Variants in USP6NL observed in about 807,000 individuals in gnomAD.
USP6NL encodes USP6 N-terminal-like protein.
In USP6NL, 26 loss-of-function variants were observed where a neutral mutation model predicts 61.9. The observed-to-expected ratio is 0.42, with a 90% CI of 0.31 to 0.58. USP6NL has a LOEUF of 0.58. Ranked by LOEUF, USP6NL falls within the 20% of genes least tolerant of loss-of-function variation. The pLI is 0.16. For synonymous variants in USP6NL, 432 were observed against 390.1 expected, an observed-to-expected ratio of 1.11 and a Z score of -1.27; for missense variants, 1,114 against 1,034.3, an observed-to-expected ratio of 1.08 and a Z score of -1.06.
intron 7 of USP6NL, among the ~76,000 whole-genome samples, chr10:11,500,471 C>G (rs1194357867): frequency 6.6e-6 from 1 of 151,866 alleles, no homozygotes; most frequent in East Asian, 1.9e-4. Flanking sequence ...ATCTCTTACT[C>G]CTTTCAAAGG....
rs1335596310 is a variant in USP6NL, at chr10:11,562,181, G to A, written c.5-34614C>T. On this transcript the variant is annotated intron_variant, in intron 2 of 14. Transcript: ENST00000609104. This position sits in a 1 kb window ranked among gnomAD's most constrained non-coding sequence, Gnocchi z 4.8. ...TGTAATCCCAGCTACTTGGGAGGCT[G>A]AAGCCGGTAGGCGGAGGTTGCAGTG... Among the ~76,000 whole-genome samples the A allele has an allele frequency of 6.6e-6, 1 of 151,470 alleles. No individual in the cohort carries two copies. The highest frequency in any genetic ancestry group is 1.5e-5 in the Non-Finnish European group (1 of 67,946).
At chr10:11,534,395 G>A (rs190256671) in intron 2 of USP6NL, among the ~76,000 whole-genome samples, 4 of 152,296 alleles carry the variant, frequency 2.6e-5, no homozygotes, top group Non-Finnish European at 4.4e-5. Context: ...GCAAAAACAG[G>A]ATCCGTAACA....
rs1838106104 is a variant in USP6NL at position 11,589,912 on chromosome 10, GT to G, written c.4+7718del. Among the ~76,000 whole-genome samples, 1 of 152,146 alleles carries G rather than the reference GT, an allele frequency of 6.6e-6. No individual in the cohort carries two copies. On this transcript the variant is annotated intron_variant, in intron 2 of 14. Coordinates refer to ENST00000609104, the MANE Select transcript of USP6NL (RefSeq NM_014688.5). The surrounding 1 kb of genome is among the most constrained non-coding windows in gnomAD (Gnocchi z 4.7). ...ACCAAGGCAATGCCAGGGGAAGTCA[GT>G]TTCTAAATTCAGAGGGAAAAGACAG...
In USP6NL at chr10:11,583,112, A is replaced by G. The variant is rs578243013; in HGVS notation, c.4+14519T>C. On this transcript the variant is annotated intron_variant, in intron 2 of 14. Transcript: ENST00000609104. ...GAGTTGTGTCCTTACATGGAAAAAG[A>G]GTGTGAATTAAAAGCTGTACATAAT... is the stretch of plus-strand genomic sequence containing the variant. 4.0e-5 allele frequency among the ~76,000 whole-genome samples: 6 copies of G among 151,874 alleles called. No individual in the cohort carries two copies. The South Asian group carries it at 1.3e-3, about 32-fold the overall frequency.
chr10:11,480,881 G>C (rs1271825637), intron 14 of USP6NL, among the ~76,000 whole-genome samples: 1 of 152,116 alleles, frequency 6.6e-6, no homozygotes, highest in African/African-American at 2.4e-5. Context: ...CTGCAACAAA[G>C]GTAAGAAAGA....
chr10:11,529,593 G>A (rs929594202), intron 2 of USP6NL, among the ~76,000 whole-genome samples: 1 of 152,208 alleles, frequency 6.6e-6, no homozygotes, highest in South Asian at 2.1e-4. Flanking sequence ...TGGGGGATGT[G>A]TGAATAACTA....
At position 11,602,508 on chromosome 10, in the gene USP6NL, A is replaced by C. The variant is rs1254180474; in HGVS notation, c.-83-4791T>G. On this transcript the variant is annotated intron_variant, in intron 1 of 14. Transcript: ENST00000609104. The surrounding 1 kb of genome is among the most constrained non-coding windows in gnomAD (Gnocchi z 4.8). ...TGTACTAGGCACCGCAGACACTGCC[A>C]AGAACAAAGCCAAGTCTCTCGCATC... 3.9e-5 allele frequency among the ~76,000 whole-genome samples: 6 copies of C among 152,202 alleles called. No individual in the cohort carries two copies. Among genetic ancestry groups the C allele is most frequent in the Non-Finnish European group, 5.9e-5 (4 of 68,036 alleles).
chr10:11,610,507 G>T (rs568536465), intron 1 of USP6NL, among the ~76,000 whole-genome samples: 1 of 152,038 alleles, frequency 6.6e-6, no homozygotes, highest in Non-Finnish European at 1.5e-5. Flanking sequence ...ACTTTTCTAA[G>T]CTATGAAATA....
At chr10:11,576,102 A>G (rs1021594502) in intron 2 of USP6NL, among the ~76,000 whole-genome samples, 3 of 152,086 alleles carry the variant, frequency 2.0e-5, no homozygotes, top group Non-Finnish European at 4.4e-5. Flanking sequence ...AAAAAAAAAA[A>G]GCAATAATAT....
In USP6NL at chr10:11,463,191, A is replaced by C; in HGVS notation, c.1737T>G (p.His579Gln). ...TTCTCGGGCTAGGAGGGTAAAGGGC[A>C]TGCCGGGGGCTCTGGGAGTAAGCCC... ...LERAYSQSPR[H>Q]ALYPPSPRKH... is the part of the protein sequence containing the mutation. The change falls in exon 15 of 15, where the codon CAT becomes CAG. Residue 579 changes from histidine (H) to glutamine (Q), a missense_variant. Coordinates refer to ENST00000609104, the MANE Select transcript of USP6NL (RefSeq NM_014688.5). The surrounding 1 kb of genome is among the most constrained non-coding windows in gnomAD (Gnocchi z 6.3). The C allele has an allele frequency of 6.2e-7, 1 of 1,613,624 alleles. No individual in the cohort carries two copies. The highest frequency in any genetic ancestry group is 8.5e-7 in the Non-Finnish European group (1 of 1,179,870).
chr10:11,489,369 C>G lies in USP6NL; in HGVS notation c.544-147G>C. On this transcript the variant is annotated intron_variant, in intron 9 of 14. Coordinates refer to ENST00000609104, the MANE Select transcript of USP6NL (RefSeq NM_014688.5). This position sits in a 1 kb window ranked among gnomAD's most constrained non-coding sequence, Gnocchi z 5.7. ...CTAGAGACAAATACTATACTCTTTA[C>G]AGTATTATGCCACATAAGAGAATAA... The G allele has an allele frequency of 1.0e-6, 1 of 985,214 alleles. No individual in the cohort carries two copies. Among genetic ancestry groups the G allele is most frequent in the Non-Finnish European group, 1.4e-6 (1 of 714,446 alleles). The allele number at this position is 985,214 out of a possible 1,614,324, so 61.0% of individuals were successfully genotyped here. A position where few individuals can be genotyped will look rare whatever the true frequency, so the allele number is the denominator to read the frequency against.
chr10:11,481,581 AAT>A lies in USP6NL; in HGVS notation c.1078+187_1078+188del, dbSNP rs1257143655. Among the ~76,000 whole-genome samples the A allele has an allele frequency of 6.6e-6, 1 of 152,222 alleles. No individual in the cohort carries two copies. The stretch of plus-strand genomic sequence containing the variant: ...TCTATTAGGAGAGGCAGATTTAATT[AAT>A]ATGTTTATTTGCCTTTCCCTAAAAT... On this transcript the variant is annotated intron_variant, in intron 14 of 14. Transcript: ENST00000609104. The surrounding 1 kb of genome is among the most constrained non-coding windows in gnomAD (Gnocchi z 4.4).
At position 11,481,963 on chromosome 10, in the gene USP6NL, C is replaced by G; in HGVS notation, c.926-41G>C. 1 of 1,557,920 alleles carries G rather than the reference C, an allele frequency of 6.4e-7. No individual in the cohort carries two copies. Among genetic ancestry groups the G allele is most frequent in the Middle Eastern group, 2.2e-4 (1 of 4,544 alleles). Reference sequence around the variant, plus strand: ...AGAAATGAAAATGCCAAGTCAATAGCTACTTTAGGTAGGAAGATATTCTAT... The same window carrying G: ...AGAAATGAAAATGCCAAGTCAATAGGTACTTTAGGTAGGAAGATATTCTAT... On this transcript the variant is annotated intron_variant, in intron 13 of 14. Transcript: ENST00000609104. The surrounding 1 kb of genome is among the most constrained non-coding windows in gnomAD (Gnocchi z 4.4).
intron 2 of USP6NL, among the ~76,000 whole-genome samples, chr10:11,569,636 G>A (rs1398524098): frequency 1.3e-5 from 2 of 152,186 alleles, no homozygotes; most frequent in African/African-American, 4.8e-5. Context: ...GTGACTGCTG[G>A]AGAAGGAGGG....
intron 2 of USP6NL, among the ~76,000 whole-genome samples, chr10:11,567,541 T>C (rs1837208066): frequency 6.6e-6 from 1 of 152,230 alleles, no homozygotes; most frequent in Admixed American, 6.5e-5. Flanking sequence ...AATATACTGC[T>C]TATAGTTTTC....
chr10:11,480,804 ACTTT>A (rs1438751925), intron 14 of USP6NL, among the ~76,000 whole-genome samples: 13 of 152,302 alleles, frequency 8.5e-5, no homozygotes, highest in African/African-American at 3.1e-4. Flanking sequence ...TACATAACTG[ACTTT>A]CTTTACTTTT....
Position 11,525,464 on chromosome 10 carries a change from C to T in USP6NL, c.77G>A (p.Arg26Gln), listed in dbSNP as rs984195074. The change falls in exon 4 of 15, where the codon CGA becomes CAA. Residue 26 changes from arginine to glutamine, a missense_variant. Physicochemically the swap from Arg to Gln is conservative, Grantham distance 43. Transcript: ENST00000609104. The surrounding 1 kb of genome is among the most constrained non-coding windows in gnomAD (Gnocchi z 5.0). ...CCAAGGTTCAATCTCTGCACCTTCT[C>T]GTCCCTAAAATAAGGCACAAAAAAA... is the stretch of plus-strand genomic sequence containing the variant. Reference protein sequence around the residue: ...AEIVAKYDRGREGAEIEPWED... With the variant: ...AEIVAKYDRGQEGAEIEPWED... 11 of 1,581,096 alleles carry T rather than the reference C, an allele frequency of 7.0e-6. No individual in the cohort carries two copies. The highest frequency in any genetic ancestry group is 2.0e-5 in the Admixed American group (1 of 50,902).
At chr10:11,579,609 T>G (rs919861052) in intron 2 of USP6NL, among the ~76,000 whole-genome samples, 3 of 152,150 alleles carry the variant, frequency 2.0e-5, no homozygotes, top group Non-Finnish European at 4.4e-5. Flanking sequence ...CTTAAAGAGG[T>G]CTTCCCAATC....
chr10:11,557,580 T>C (rs1362782142), intron 2 of USP6NL, among the ~76,000 whole-genome samples: 2 of 152,168 alleles, frequency 1.3e-5, no homozygotes, highest in Non-Finnish European at 2.9e-5. Context: ...CTGACGACAG[T>C]GGATTTAAAG....
Sources: gnomAD v4.1 joint callset for allele counts (sites outside exome capture counted in the v4.1 genomes callset) on GRCh38, gnomAD v4.1.1 for gene constraint, Gnocchi (gnomAD v3.1) non-coding constraint, MANE v1.5 for transcripts, NCBI Gene and HGNC (gene_info 2026-07-23, HGNC 2026-07-21) for gene names.